Variants in CDH4 observed in about 807,000 individuals in gnomAD.
CDH4 encodes cadherin 4, also known as cadherin-4.
CDH4 carries 33 observed loss-of-function variants against 86.0 expected under a neutral mutation model. That is an observed-to-expected ratio of 0.38 (90% confidence interval 0.29 to 0.51). CDH4 has a LOEUF of 0.51. CDH4 is among the 20% of genes least tolerant of loss of function. The pLI is 0.86. For missense variants in CDH4, 1,114 were observed against 1,307.4 expected (o/e 0.85, Z 2.28); for synonymous variants, 555 against 549.4 (o/e 1.01, Z -0.14).
Position 61,902,368 on chromosome 20 carries a change from C to T in CDH4, c.1188+7321C>T, listed in dbSNP as rs914833004. Among the ~76,000 whole-genome samples, 19 of 152,370 alleles carry T rather than the reference C, an allele frequency of 1.2e-4. No homozygotes were observed. Among genetic ancestry groups the T allele is most frequent in the African/African-American group, 3.4e-4 (14 of 41,598 alleles). On this transcript the variant is annotated intron_variant, in intron 8 of 15. Transcript: ENST00000614565. This position sits in a 1 kb window ranked among gnomAD's most constrained non-coding sequence, Gnocchi z 4.6. The stretch of plus-strand genomic sequence containing the variant: ...AGACCCGGGGTCTATGGGCAGTGCC[C>T]TAAATGCCAGCCATGCCCTGGGGCA...
At chr20:61,280,518 A>G (rs569326618) in intron 2 of CDH4, among the ~76,000 whole-genome samples, 2 of 152,160 alleles carry the variant, frequency 1.3e-5, no homozygotes, top group Non-Finnish European at 2.9e-5. Context: ...ACTCTCACGA[A>G]TCTTCCTTTT....
intron 2 of CDH4, among the ~76,000 whole-genome samples, chr20:61,557,689 A>G (rs186458336): frequency 3.9e-5 from 6 of 152,130 alleles, no homozygotes; most frequent in Admixed American, 1.3e-4. Context: ...CTTTTGGGAT[A>G]TGCTTCGATT....
At chr20:61,799,234 T>C (rs1332176350) in intron 4 of CDH4, among the ~76,000 whole-genome samples, 2 of 152,198 alleles carry the variant, frequency 1.3e-5, no homozygotes, top group Non-Finnish European at 2.9e-5. Flanking sequence ...AAGCTATAAA[T>C]TGGGAATTGC....
chr20:61,786,183 G>T (rs189566579), intron 4 of CDH4, among the ~76,000 whole-genome samples: 10 of 152,210 alleles, frequency 6.6e-5, no homozygotes, highest in Non-Finnish European at 1.2e-4. Context: ...GTCTCCTTCC[G>T]CAGCAAAACA....
intron 2 of CDH4, among the ~76,000 whole-genome samples, chr20:61,537,978 A>G (rs1323775775): frequency 1.3e-5 from 2 of 152,202 alleles, no homozygotes; most frequent in Non-Finnish European, 2.9e-5. Context: ...CAACCCGGCC[A>G]CATTGCTATG....
At chr20:61,380,133 TTCA>T (rs749699342) in intron 2 of CDH4, among the ~76,000 whole-genome samples, 1 of 152,224 alleles carries the variant, frequency 6.6e-6, no homozygotes, top group Non-Finnish European at 1.5e-5. Flanking sequence ...CCTGCTTCAC[TTCA>T]TCAGACATTT....
chr20:61,764,806 G>A lies in CDH4; in HGVS notation c.397-8197G>A, dbSNP rs201924316. 1.4e-4 allele frequency among the ~76,000 whole-genome samples: 22 copies of A among 152,252 alleles called. No homozygotes were observed. The East Asian group carries it at 2.1e-3, about 15-fold the overall frequency. On this transcript the variant is annotated intron_variant, in intron 3 of 15. Coordinates refer to ENST00000614565, the MANE Select transcript of CDH4 (RefSeq NM_001794.5). ...ACATCCCAGGCATCCACGTAGCTCCGGAGCACAGAGCTCACCAGCCCCTTC... is the reference window on the plus strand; with the variant it reads ...ACATCCCAGGCATCCACGTAGCTCCAGAGCACAGAGCTCACCAGCCCCTTC...
intron 9 of CDH4, among the ~76,000 whole-genome samples, chr20:61,920,926 GCA>G: frequency 6.7e-6 from 1 of 149,646 alleles, no homozygotes; most frequent in African/African-American, 2.5e-5. Flanking sequence ...CGTGGTGATT[GCA>G]TGGAAGCATG....
rs904181984 is a variant in CDH4 at position 61,393,974 on chromosome 20, A to G, written c.169+139037A>G. 3.9e-5 allele frequency among the ~76,000 whole-genome samples: 6 copies of G among 152,176 alleles called. No individual in the cohort carries two copies. The highest frequency in any genetic ancestry group is 1.2e-4 in the African/African-American group (5 of 41,438). On this transcript the variant is annotated intron_variant, in intron 2 of 15. Coordinates refer to ENST00000614565, the MANE Select transcript of CDH4 (RefSeq NM_001794.5). This position sits in a 1 kb window ranked among gnomAD's most constrained non-coding sequence, Gnocchi z 4.3. ...TATTATACCAATGTAATCTAATAAC[A>G]TTGCTCTATCTGCATAGATCACAGA...
At chr20:61,813,944 C>A (rs1980574411) in intron 4 of CDH4, among the ~76,000 whole-genome samples, 1 of 152,180 alleles carries the variant, frequency 6.6e-6, no homozygotes, top group African/African-American at 2.4e-5. Flanking sequence ...CCAGGGTCTC[C>A]CCAGCCCAAT....
At position 61,356,432 on chromosome 20, in the gene CDH4, C is replaced by T. The variant is rs561857426; in HGVS notation, c.169+101495C>T. 1.2e-4 allele frequency among the ~76,000 whole-genome samples: 18 copies of T among 152,302 alleles called. No individual in the cohort carries two copies. In the East Asian group the frequency reaches 1.5e-3, roughly 13 times the overall value. ...GCCAGCAGCCCTGAGAGTCTTTACA[C>T]CCAGTTGTTGATGAGTGAAGCCAAG... On this transcript the variant is annotated intron_variant, in intron 2 of 15. Transcript: ENST00000614565.
rs1225614116 is a variant in CDH4 at position 61,709,081 on chromosome 20, G to A, written c.170-34482G>A. Among the ~76,000 whole-genome samples, 2 of 152,122 alleles carry A rather than the reference G, an allele frequency of 1.3e-5. No homozygotes were observed. The highest frequency in any genetic ancestry group is 4.8e-5 in the African/African-American group (2 of 41,438). On this transcript the variant is annotated intron_variant, in intron 2 of 15. Transcript: ENST00000614565. This position sits in a 1 kb window ranked among gnomAD's most constrained non-coding sequence, Gnocchi z 4.8. ...CATGATGGGAGTGTGGAGGACACTG[G>A]CTGAGTTCACATCACCCCAAAGCCT...
chr20:61,380,504 CCAA>C (rs1175578153), intron 2 of CDH4, among the ~76,000 whole-genome samples: 1 of 151,522 alleles, frequency 6.6e-6, no homozygotes, highest in Non-Finnish European at 1.5e-5. Context: ...GGCGCTCCCA[CCAA>C]CAACACCATC....
At chr20:61,457,188 G>T (rs187642241) in intron 2 of CDH4, among the ~76,000 whole-genome samples, 2 of 152,132 alleles carry the variant, frequency 1.3e-5, no homozygotes, top group Non-Finnish European at 2.9e-5. Flanking sequence ...GACAAGGAGC[G>T]GACAAGGTCA....
chr20:61,768,516 A>G (rs6061815), intron 3 of CDH4, among the ~76,000 whole-genome samples: 123,740 of 152,248 alleles, frequency 0.81, 51,003 homozygotes, highest in African/African-American at 0.94. Flanking sequence ...ACAGAAGAAA[A>G]ACAGGCACCA....
intron 2 of CDH4, among the ~76,000 whole-genome samples, chr20:61,612,649 A>G (rs2086694064): frequency 6.6e-6 from 1 of 152,066 alleles, no homozygotes; most frequent in Non-Finnish European, 1.5e-5. Flanking sequence ...ATGGCCAATT[A>G]TGGACTTTCC....
intron 2 of CDH4, among the ~76,000 whole-genome samples, chr20:61,317,251 G>A (rs561336228): frequency 3.9e-5 from 6 of 152,126 alleles, no homozygotes; most frequent in East Asian, 3.9e-4. Context: ...GGTGGCGAGC[G>A]CCCGCAGTCC....
At chr20:61,883,224 C>T (rs1255998349) in intron 7 of CDH4, among the ~76,000 whole-genome samples, 1 of 152,132 alleles carries the variant, frequency 6.6e-6, no homozygotes, top group Non-Finnish European at 1.5e-5. Flanking sequence ...TGCCTGCCGC[C>T]CGGTTTAATG....
At position 61,724,875 on chromosome 20, in the gene CDH4, C is replaced by T. The variant is rs151272807; in HGVS notation, c.170-18688C>T. 7.9e-4 allele frequency among the ~76,000 whole-genome samples: 121 copies of T among 152,294 alleles called. 2 individuals are homozygous for T. The East Asian group carries it at 0.017, about 22-fold the overall frequency. On this transcript the variant is annotated intron_variant, in intron 2 of 15. Coordinates refer to ENST00000614565, the MANE Select transcript of CDH4 (RefSeq NM_001794.5). ...CATGCAATCCCAACACCTTGGGAAG[C>T]TGAGGCAGGAGGATCGCTTGAGCCC... is the stretch of plus-strand genomic sequence containing the variant.
Sources: allele counts gnomAD v4.1 joint callset (sites outside exome capture counted in the v4.1 genomes callset), GRCh38; gene constraint gnomAD v4.1.1; non-coding constraint Gnocchi (gnomAD v3.1); transcripts MANE v1.5; gene names NCBI Gene and HGNC (gene_info 2026-07-23, HGNC 2026-07-21).